The following PCDHA7 variants were observed in gnomAD, a reference collection of about 807,000 sequenced individuals.
PCDHA7 encodes protocadherin alpha-7.
A neutral mutation model predicts 57.2 loss-of-function variants in PCDHA7; 37 were observed. The observed-to-expected ratio is 0.65, with a 90% CI of 0.50 to 0.85. PCDHA7 has a LOEUF of 0.85. Among genes scored for constraint, PCDHA7 ranks in the 40% least tolerant of loss-of-function variants. The probability of loss-of-function intolerance (pLI) is 0.00; values close to 1 mark genes in which losing one functional copy is unlikely to be tolerated. For missense variants in PCDHA7, 1,188 were observed against 1,241.8 expected (o/e 0.96, Z 0.65); for synonymous variants, 553 against 558.8 (o/e 0.99, Z 0.15).
At chr5:140,942,860 G>T (rs1262172468) in intron 1 of PCDHA7, among the ~76,000 whole-genome samples, 15 of 151,964 alleles carry the variant, frequency 9.9e-5, no homozygotes, top group Admixed American at 9.8e-4. Context: ...TGATTATTTT[G>T]CTTTAGCATG....
At chr5:140,898,894 G>A (rs1200031286) in intron 1 of PCDHA7, among the ~76,000 whole-genome samples, 5 of 152,102 alleles carry the variant, frequency 3.3e-5, no homozygotes, top group African/African-American at 9.7e-5. Context: ...TCTCCTTGAA[G>A]AGGTCCTTCA....
At chr5:140,837,724 T>G (rs1466080737) in intron 1 of PCDHA7, among the ~76,000 whole-genome samples, 2 of 151,672 alleles carry the variant, frequency 1.3e-5, no homozygotes, top group African/African-American at 2.4e-5. Flanking sequence ...CCCAGGCTGC[T>G]GAAATGCAGT....
chr5:140,883,083 G>A (rs267600402), intron 1 of PCDHA7: 8 of 1,614,082 alleles, frequency 5.0e-6, no homozygotes, highest in Non-Finnish European at 6.8e-6. Flanking sequence ...CCTGATGATG[G>A]TACAAATGGA....
intron 1 of PCDHA7, among the ~76,000 whole-genome samples, chr5:140,974,018 T>C (rs2096611642): frequency 1.3e-5 from 2 of 152,222 alleles, no homozygotes; most frequent in Non-Finnish European, 1.5e-5. Context: ...CATGTGATAA[T>C]ACAACTATAA....
Position 140,854,000 on chromosome 5 carries a change from C to T in PCDHA7, c.2355+17262C>T, listed in dbSNP as rs1437337577. 5 of 352,352 alleles carry T rather than the reference C, an allele frequency of 1.4e-5. No homozygotes were observed. The East Asian group carries it at 8.5e-4, about 60-fold the overall frequency. 21.8% of individuals were successfully genotyped at this position (352,352 alleles called of 1,614,324 possible). ...CCAATGTAGTGAGACTCATCTCTGC[C>T]AAAAAAAAAAAATTAGCCGGGCATG... On this transcript the variant is annotated intron_variant, in intron 1 of 3. Coordinates refer to ENST00000525929, the MANE Select transcript of PCDHA7 (RefSeq NM_018910.3).
Position 140,836,376 on chromosome 5 carries a change from G to A in PCDHA7, c.1993G>A (p.Val665Met). ...GEPSLTATAT[V>M]LVSLVESGQA... Reference sequence around the variant, plus strand: ...GCCCTCGCTGACAGCCACAGCCACCGTGCTGGTGTCGCTGGTGGAAAGCGG... The same window carrying A: ...GCCCTCGCTGACAGCCACAGCCACCATGCTGGTGTCGCTGGTGGAAAGCGG... The change falls in exon 1 of 4, where the codon GTG becomes ATG. Residue 665 changes from valine (V) to methionine (M), a missense_variant. Transcript: ENST00000525929. 1.9e-6 allele frequency: 3 copies of A among 1,613,760 alleles called. No individual in the cohort carries two copies. Among genetic ancestry groups the A allele is most frequent in the South Asian group, 1.1e-5 (1 of 91,072 alleles).
intron 3 of PCDHA7, among the ~76,000 whole-genome samples, chr5:140,990,910 A>G (rs1460988111): frequency 1.3e-5 from 2 of 152,198 alleles, no homozygotes; most frequent in African/African-American, 2.4e-5. Context: ...GTCAAGTTTT[A>G]TAAGTCTTTA....
intron 1 of PCDHA7, among the ~76,000 whole-genome samples, chr5:140,874,638 C>A (rs2055040349): frequency 6.6e-6 from 1 of 152,272 alleles, no homozygotes; most frequent in South Asian, 2.1e-4. Context: ...AAGTGCTTTA[C>A]TTTTGCTAGA....
chr5:140,881,310 G>A (rs782291557), intron 1 of PCDHA7: 31 of 977,830 alleles, frequency 3.2e-5, no homozygotes, highest in Non-Finnish European at 3.6e-5. Flanking sequence ...TAACCTCCTG[G>A]TTAAATTCTA....
intron 1 of PCDHA7, chr5:140,851,169 T>C: frequency 1.6e-6 from 2 of 1,280,288 alleles, no homozygotes; most frequent in Non-Finnish European, 2.0e-6. Flanking sequence ...TATGCTGCCA[T>C]AACACTTGAA....
chr5:140,844,829 G>T (rs1252495421), intron 1 of PCDHA7, among the ~76,000 whole-genome samples: 2 of 148,848 alleles, frequency 1.3e-5, no homozygotes, highest in Non-Finnish European at 3.0e-5. Flanking sequence ...CTTTTTACAC[G>T]TTTGCTTCTT....
At chr5:140,866,752 C>G (rs928654608) in intron 1 of PCDHA7, 1 of 152,140 alleles carries the variant, frequency 6.6e-6, no homozygotes, top group Non-Finnish European at 1.5e-5. Context: ...ATATGACTAA[C>G]AGGACATACA....
At chr5:140,967,042 G>A (rs781848948) in intron 1 of PCDHA7, 1 of 1,611,904 alleles carries the variant, frequency 6.2e-7, no homozygotes, top group Admixed American at 1.7e-5. Flanking sequence ...ACCTGGAGCT[G>A]GACCTGACGA....
At chr5:140,978,763 A>G (rs932766044) in intron 1 of PCDHA7, among the ~76,000 whole-genome samples, 186 bp from the exon 2 acceptor site, 11 of 152,258 alleles carry the variant, frequency 7.2e-5, no homozygotes, top group Non-Finnish European at 1.3e-4. Flanking sequence ...GAGGACCCTG[A>G]TGAACTAATT....
chr5:140,882,898 A>T lies in PCDHA7; in HGVS notation c.2355+46160A>T, dbSNP rs781828373. 6 of 1,614,100 alleles carry T rather than the reference A, an allele frequency of 3.7e-6. No individual in the cohort carries two copies. In the Admixed American group the frequency reaches 5.0e-5, roughly 13 times the overall value. On this transcript the variant is annotated intron_variant, in intron 1 of 3. Coordinates refer to ENST00000525929, the MANE Select transcript of PCDHA7 (RefSeq NM_018910.3). ...GAGAGGAAATTCAGGAACATAGTTT[A>T]TTACTGACAGCCAGTGATGGAGGTA...
intron 1 of PCDHA7, among the ~76,000 whole-genome samples, chr5:140,972,660 A>ATTT (rs11350929): frequency 1.0e-4 from 12 of 117,258 alleles, no homozygotes; most frequent in Non-Finnish European, 1.7e-4. Flanking sequence ...AAGAAACCAA[A>ATTT]TTTTTTTTTT....
chr5:140,838,073 ATATAGTGT>A (rs1457215249), intron 1 of PCDHA7, among the ~76,000 whole-genome samples: 9 of 126,836 alleles, frequency 7.1e-5, no homozygotes, highest in Admixed American at 1.7e-4. Context: ...AGTTATATAT[ATATAGTGT>A]GTGTGTGTGT....
intron 1 of PCDHA7, chr5:140,853,448 G>C: frequency 1.0e-6 from 1 of 980,734 alleles, no homozygotes; most frequent in Non-Finnish European, 1.2e-6. Context: ...TTGCCTAATA[G>C]GTCTCCTTAT....
At chr5:140,888,443 A>C (rs1374471673) in intron 1 of PCDHA7, among the ~76,000 whole-genome samples, 2 of 152,172 alleles carry the variant, frequency 1.3e-5, no homozygotes, top group Non-Finnish European at 2.9e-5. Context: ...GCCGCCCAAC[A>C]ATAAAGAATT....
Sources: allele counts gnomAD v4.1 joint callset (sites outside exome capture counted in the v4.1 genomes callset), GRCh38; gene constraint gnomAD v4.1.1; transcripts MANE v1.5; gene names NCBI Gene and HGNC (gene_info 2026-07-23, HGNC 2026-07-21).